The following LINGO2 variants were observed in gnomAD, a reference collection of about 807,000 sequenced individuals.
The protein encoded by LINGO2 is leucine-rich repeat and immunoglobulin-like domain-containing nogo receptor-interacting protein 2.
Under a neutral mutation model 30.6 loss-of-function variants are expected in LINGO2, and 14 were observed. The observed-to-expected ratio is 0.46, with a 90% CI of 0.30 to 0.72. The LOEUF (loss-of-function observed/expected upper bound fraction) is 0.72, where lower values mean the gene tolerates loss of function less well. Among genes scored for constraint, LINGO2 ranks in the 30% least tolerant of loss-of-function variants. The pLI is 0.07. For synonymous variants in LINGO2, 317 were observed against 288.5 expected (o/e 1.10, Z -1.00); for missense variants, 729 against 751.7 (o/e 0.97, Z 0.35).
chr9:29,013,949 T>G, the LINGO2 span, among the ~76,000 whole-genome samples: 1 of 152,132 alleles, frequency 6.6e-6, no homozygotes, highest in African/African-American at 2.4e-5. Context: ...CTCAAAATTT[T>G]TATTGCTTAC....
chr9:27,997,864 T>C, intron 5 of LINGO2, among the ~76,000 whole-genome samples: 1 of 137,494 alleles, frequency 7.3e-6, no homozygotes. Context: ...TCATGTTCAG[T>C]GGAGCAGGTG....
intron 4 of LINGO2, among the ~76,000 whole-genome samples, chr9:28,189,713 A>AAGGGAGGGAGGG (rs1399628251): frequency 1.1e-5 from 1 of 94,114 alleles, no homozygotes; most frequent in African/African-American, 3.9e-5. Context: ...GGAAGGAAGG[A>AAGGGAGGGAGGG]AGGAAGGAAG....
At chr9:28,722,251 G>T in the LINGO2 span, among the ~76,000 whole-genome samples, 172 of 152,164 alleles carry the variant, frequency 1.1e-3, 1 homozygote, top group African/African-American at 3.9e-3. Context: ...AGAAATAATT[G>T]CTACAGATAC....
At chr9:28,984,064 C>T in the LINGO2 span, among the ~76,000 whole-genome samples, 2 of 152,024 alleles carry the variant, frequency 1.3e-5, no homozygotes, top group African/African-American at 4.8e-5. Context: ...CATAAATGCA[C>T]ACAATATAAT....
the LINGO2 span, among the ~76,000 whole-genome samples, chr9:29,206,633 G>A: frequency 6.6e-6 from 1 of 151,994 alleles, no homozygotes; most frequent in Admixed American, 6.6e-5. Flanking sequence ...CACAACTTTT[G>A]TATTGTTATT....
intron 4 of LINGO2, among the ~76,000 whole-genome samples, chr9:28,044,484 G>A (rs114412343): frequency 0.01 from 1,525 of 152,242 alleles, 22 homozygotes; most frequent in African/African-American, 0.035. Context: ...TAGACAACCT[G>A]AAAGCCAGGT....
At chr9:28,350,852 A>C (rs989117431) in intron 3 of LINGO2, among the ~76,000 whole-genome samples, 2 of 151,936 alleles carry the variant, frequency 1.3e-5, no homozygotes, top group Non-Finnish European at 2.9e-5. Context: ...ATCTCACTCA[A>C]AACCGCTCAA....
At chr9:28,813,504 G>A in the LINGO2 span, among the ~76,000 whole-genome samples, 1 of 152,008 alleles carries the variant, frequency 6.6e-6, no homozygotes, top group Admixed American at 6.6e-5. Flanking sequence ...TGCAAATAAC[G>A]AGAGAACTAC....
At chr9:28,840,033 C>A in the LINGO2 span, among the ~76,000 whole-genome samples, 1 of 149,438 alleles carries the variant, frequency 6.7e-6, no homozygotes, top group African/African-American at 2.6e-5. Context: ...TTGCAATAGC[C>A]CCCGGGCTCA....
rs1587084333 is a variant in LINGO2, at chr9:28,148,348, G to A, written c.-86-135943C>T. ...GGATGTTTGGACACCTCAGCCCCGTGAGGATTCCTCATCTCAGAGGCAAGT... is the reference window on the plus strand; with the variant it reads ...GGATGTTTGGACACCTCAGCCCCGTAAGGATTCCTCATCTCAGAGGCAAGT... On this transcript the variant is annotated intron_variant, in intron 4 of 5. Coordinates refer to ENST00000379992, the Ensembl canonical transcript of LINGO2. The surrounding 1 kb of genome is among the most constrained non-coding windows in gnomAD (Gnocchi z 5.1). 4 of 978,642 alleles carry A rather than the reference G, an allele frequency of 4.1e-6. No homozygotes were observed. The highest frequency in any genetic ancestry group is 6.3e-6 in the Non-Finnish European group (4 of 638,424). 60.6% of individuals were successfully genotyped at this position (978,642 alleles called of 1,614,324 possible).
At chr9:28,538,581 A>G (rs990458880) in intron 1 of LINGO2, among the ~76,000 whole-genome samples, 2 of 152,188 alleles carry the variant, frequency 1.3e-5, no homozygotes, top group African/African-American at 4.8e-5. Flanking sequence ...AAACTGGGTA[A>G]TTTATAAACA....
intron 4 of LINGO2, among the ~76,000 whole-genome samples, chr9:28,280,588 ACTCTTCCTC>A (rs1823286208): frequency 6.6e-6 from 1 of 152,022 alleles, no homozygotes; most frequent in Non-Finnish European, 1.5e-5. Flanking sequence ...ATGTCCTTTT[ACTCTTCCTC>A]AGTGTAGAAG....
At chr9:28,741,140 G>A in the LINGO2 span, among the ~76,000 whole-genome samples, 1 of 152,000 alleles carries the variant, frequency 6.6e-6, no homozygotes, top group Non-Finnish European at 1.5e-5. Context: ...CAGTTCATGA[G>A]GGAGAGCCTA....
chr9:28,305,379 C>T lies in LINGO2; in HGVS notation c.-245-10013G>A, dbSNP rs758807885. Among the ~76,000 whole-genome samples the T allele has an allele frequency of 1.1e-4, 16 of 151,926 alleles. No individual in the cohort carries two copies. The South Asian group carries it at 1.2e-3, about 12-fold the overall frequency. The stretch of plus-strand genomic sequence containing the variant: ...AGTGGAGGTTCTATCCAGTTCAGTA[C>T]GGCAAGAAATAAAAGGCATCCAAAT... On this transcript the variant is annotated intron_variant, in intron 3 of 5. Coordinates refer to ENST00000379992, the Ensembl canonical transcript of LINGO2.
intron 5 of LINGO2, among the ~76,000 whole-genome samples, chr9:27,981,558 AAGAAAAAAAAAGAAAAAAAAAAG>A (rs1820869884): frequency 8.0e-6 from 1 of 125,504 alleles, no homozygotes; most frequent in South Asian, 3.0e-4. Context: ...AAAGAAAAAA[AAGAAAAAAAAAGAAAAAAAAAAG>A]AAAAAAAATT....
intron 4 of LINGO2, among the ~76,000 whole-genome samples, chr9:28,063,087 C>T (rs1825205984): frequency 6.6e-6 from 1 of 152,070 alleles, no homozygotes; most frequent in African/African-American, 2.4e-5. Flanking sequence ...CAGAAGGAAA[C>T]CATAGAACCA....
chr9:28,449,706 A>G (rs1229649969), intron 2 of LINGO2, among the ~76,000 whole-genome samples: 1 of 152,018 alleles, frequency 6.6e-6, no homozygotes, highest in Non-Finnish European at 1.5e-5. Flanking sequence ...CAGACTTGGA[A>G]TGTTTCGACT....
chr9:28,312,165 T>C (rs1352051721), intron 3 of LINGO2, among the ~76,000 whole-genome samples: 1 of 151,438 alleles, frequency 6.6e-6, no homozygotes, highest in Non-Finnish European at 1.5e-5. Flanking sequence ...CTTTTTTTTG[T>C]ATCCAGATAC....
At chr9:28,412,185 GAA>G (rs59158472) in intron 2 of LINGO2, among the ~76,000 whole-genome samples, 105 of 120,640 alleles carry the variant, frequency 8.7e-4, no homozygotes, top group African/African-American at 3.1e-3. Context: ...ACTTGTAAGT[GAA>G]AAAAAAAAAA....
Sources: allele counts gnomAD v4.1 joint callset (sites outside exome capture counted in the v4.1 genomes callset), GRCh38; gene constraint gnomAD v4.1.1; non-coding constraint Gnocchi (gnomAD v3.1); transcripts MANE v1.5; gene names NCBI Gene and HGNC (gene_info 2026-07-23, HGNC 2026-07-21).